Variants in KCNC2 observed in about 807,000 individuals in gnomAD.
KCNC2 encodes the protein potassium voltage-gated channel subfamily C member 2, also known as voltage-gated potassium channel KCNC2.
Under a neutral mutation model 44.5 loss-of-function variants are expected in KCNC2, and 21 were observed. The observed-to-expected ratio is 0.47, with a 90% confidence interval of 0.33 to 0.68. The LOEUF (loss-of-function observed/expected upper bound fraction) is 0.68. Ranked by LOEUF, KCNC2 falls within the 30% of genes least tolerant of loss-of-function variation. The pLI, the probability that KCNC2 is intolerant of heterozygous loss-of-function variation, is 0.01. For synonymous variants in KCNC2, 391 were observed against 339.1 expected (o/e 1.15, Z -1.68); for missense variants, 589 against 826.2 (o/e 0.71, Z 3.52).
At chr12:75,202,657 T>C (rs994496527) in intron 2 of KCNC2, among the ~76,000 whole-genome samples, 6 of 151,782 alleles carry the variant, frequency 4.0e-5, no homozygotes, top group African/African-American at 1.4e-4. Context: ...AGAGAGCCTG[T>C]AAGTCATTGT....
At chr12:75,046,063 T>G (rs573437755) in intron 4 of KCNC2, among the ~76,000 whole-genome samples, 2 of 151,564 alleles carry the variant, frequency 1.3e-5, no homozygotes, top group Non-Finnish European at 3.0e-5. Context: ...GATAACCAAC[T>G]GAAACGATTA....
intron 2 of KCNC2, among the ~76,000 whole-genome samples, chr12:75,197,795 C>A (rs547643660): frequency 6.6e-6 from 1 of 151,888 alleles, no homozygotes; most frequent in South Asian, 2.1e-4. Flanking sequence ...AGAGGAAACA[C>A]AAAAGACTAT....
chr12:75,201,236 A>G (rs1740358462), intron 2 of KCNC2, among the ~76,000 whole-genome samples: 1 of 137,254 alleles, frequency 7.3e-6, no homozygotes, highest in African/African-American at 2.6e-5. Flanking sequence ...GGGAAAAAAA[A>G]GGGCAGAAAG....
chr12:75,134,998 TAATC>T (rs1313739817), intron 2 of KCNC2, among the ~76,000 whole-genome samples: 1 of 151,960 alleles, frequency 6.6e-6, no homozygotes, highest in Non-Finnish European at 1.5e-5. Context: ...AACCCATTCA[TAATC>T]AATATCAGAT....
At chr12:75,103,066 T>C in intron 2 of KCNC2, among the ~76,000 whole-genome samples, 1 of 152,126 alleles carries the variant, frequency 6.6e-6, no homozygotes, top group East Asian at 1.9e-4. Flanking sequence ...TTTGGAATGA[T>C]GAAGACAATT....
chr12:75,063,244 ATT>A (rs1882514889), intron 2 of KCNC2, among the ~76,000 whole-genome samples: 1 of 151,970 alleles, frequency 6.6e-6, no homozygotes, highest in Admixed American at 6.6e-5. Context: ...TTATTTGTTG[ATT>A]TTCATTTTAC....
At chr12:75,198,383 G>A (rs950961312) in intron 2 of KCNC2, among the ~76,000 whole-genome samples, 4 of 151,688 alleles carry the variant, frequency 2.6e-5, no homozygotes, top group South Asian at 2.1e-4. Context: ...TGCTATTTTC[G>A]ATTCTGTTTG....
chr12:75,062,662 G>A (rs1291701576), intron 2 of KCNC2, among the ~76,000 whole-genome samples: 1 of 151,918 alleles, frequency 6.6e-6, no homozygotes, highest in Non-Finnish European at 1.5e-5. Context: ...AAATCTTTCA[G>A]CTAGATTTTT....
rs185982902 is a variant in KCNC2, at chr12:75,126,099, C to T, written c.688-74782G>A. Among the ~76,000 whole-genome samples the T allele has an allele frequency of 4.5e-4, 69 of 151,978 alleles. No individual in the cohort carries two copies. The East Asian group carries it at 0.012, about 26-fold the overall frequency. Reference sequence around the variant, plus strand: ...AGCTTATGAGCAAAACTAAAAAACCCGAGTCTCTCTTCTCTCAATCTCATG... The same window carrying T: ...AGCTTATGAGCAAAACTAAAAAACCTGAGTCTCTCTTCTCTCAATCTCATG... On this transcript the variant is annotated intron_variant, in intron 2 of 4. Coordinates refer to ENST00000549446, the MANE Select transcript of KCNC2 (RefSeq NM_139137.4).
At chr12:75,102,748 C>G (rs898665031) in intron 2 of KCNC2, among the ~76,000 whole-genome samples, 1 of 151,938 alleles carries the variant, frequency 6.6e-6, no homozygotes, top group Non-Finnish European at 1.5e-5. Flanking sequence ...AAAGTACGTT[C>G]CTACAAACAT....
intron 2 of KCNC2, among the ~76,000 whole-genome samples, chr12:75,168,790 T>C (rs1239686821): frequency 6.6e-6 from 1 of 151,532 alleles, no homozygotes; most frequent in African/African-American, 2.4e-5. Context: ...ACTTAGAAAC[T>C]AGAATCTGGT....
chr12:75,066,295 C>T (rs1232929947), intron 2 of KCNC2, among the ~76,000 whole-genome samples: 4 of 152,050 alleles, frequency 2.6e-5, no homozygotes, highest in Non-Finnish European at 5.9e-5. Context: ...ACACTCAAAG[C>T]TTGAGCTATA....
At chr12:75,150,817 T>C (rs1441812729) in intron 2 of KCNC2, among the ~76,000 whole-genome samples, 1 of 151,884 alleles carries the variant, frequency 6.6e-6, no homozygotes, top group Non-Finnish European at 1.5e-5. Flanking sequence ...CATAACTAGA[T>C]TTTTCTTTAT....
intron 2 of KCNC2, among the ~76,000 whole-genome samples, chr12:75,074,392 T>C (rs539185304): frequency 6.6e-6 from 1 of 152,074 alleles, no homozygotes; most frequent in East Asian, 1.9e-4. Context: ...CGGTCAAAGT[T>C]TGTGTACTCC....
chr12:75,154,561 T>C (rs1890628695), intron 2 of KCNC2, among the ~76,000 whole-genome samples: 1 of 152,026 alleles, frequency 6.6e-6, no homozygotes, highest in Non-Finnish European at 1.5e-5. Flanking sequence ...AAGTAAAAGA[T>C]AAGCTACAAT....
chr12:75,062,133 C>A (rs9634304), intron 2 of KCNC2, among the ~76,000 whole-genome samples: 63,374 of 151,924 alleles, frequency 0.42, 16,490 homozygotes, highest in Non-Finnish European at 0.59. Flanking sequence ...ATAGTAGATT[C>A]TATTAACTCA....
At chr12:75,137,598 C>A (rs1033417317) in intron 2 of KCNC2, among the ~76,000 whole-genome samples, 3 of 152,062 alleles carry the variant, frequency 2.0e-5, no homozygotes, top group African/African-American at 7.2e-5. Flanking sequence ...ATATTATGTC[C>A]CAAATTATGC....
chr12:75,056,737 A>G (rs1881784741), intron 2 of KCNC2, among the ~76,000 whole-genome samples: 1 of 152,036 alleles, frequency 6.6e-6, no homozygotes, highest in Admixed American at 6.6e-5. Context: ...ATAATTAAAA[A>G]ATAAAAATGT....
Position 75,042,086 on chromosome 12 carries a change from C to T in KCNC2, c.*1019G>A, listed in dbSNP as rs1467984639. The T allele has an allele frequency of 2.4e-6, 3 of 1,225,454 alleles. No homozygotes were observed. Among genetic ancestry groups the T allele is most frequent in the Admixed American group, 4.1e-5 (1 of 24,472 alleles). 75.9% of individuals were successfully genotyped at this position (1,225,454 alleles called of 1,614,324 possible). A position where few individuals can be genotyped will look rare whatever the true frequency, so the allele number is the denominator to read the frequency against. On this transcript the variant is annotated 3_prime_UTR_variant, in exon 5 of 5. Transcript: ENST00000549446. ...AAAAGCCTTCTGTGAACACCAGTGACATTTGATGTTTGCACAAAAAATTAA... is the reference window on the plus strand; with the variant it reads ...AAAAGCCTTCTGTGAACACCAGTGATATTTGATGTTTGCACAAAAAATTAA...
Sources: gnomAD v4.1 joint callset for allele counts (sites outside exome capture counted in the v4.1 genomes callset) on GRCh38, gnomAD v4.1.1 for gene constraint, MANE v1.5 for transcripts, NCBI Gene and HGNC (gene_info 2026-07-23, HGNC 2026-07-21) for gene names.